The following MALRD1 variants were observed in gnomAD, a reference collection of about 807,000 sequenced individuals.
MALRD1 encodes the protein MAM and LDL-receptor class A domain-containing protein 1.
A neutral mutation model predicts 242.1 loss-of-function variants in MALRD1; 247 were observed. The ratio of observed to expected loss-of-function variants is 1.02; its 90% CI spans 0.92 to 1.13. The LOEUF (loss-of-function observed/expected upper bound fraction) is 1.13, where lower values mean the gene tolerates loss of function less well. MALRD1 is among the 50% of genes most tolerant of loss of function. The probability of loss-of-function intolerance (pLI) is 0.00; values close to 1 mark genes in which losing one functional copy is unlikely to be tolerated. For synonymous variants in MALRD1, 995 were observed against 866.6 expected, an observed-to-expected ratio of 1.15 and a Z score of -2.60; for missense variants, 2,989 against 2,533.1, an observed-to-expected ratio of 1.18 and a Z score of -3.86.
intron 18 of MALRD1, among the ~76,000 whole-genome samples, chr10:19,215,512 C>G (rs1242219391): frequency 6.6e-6 from 1 of 152,162 alleles, no homozygotes; most frequent in East Asian, 1.9e-4. Context: ...TTGTGAACTA[C>G]TGATTTCTTT....
At chr10:19,195,496 C>T (rs920009365) in intron 14 of MALRD1, among the ~76,000 whole-genome samples, 1 of 152,092 alleles carries the variant, frequency 6.6e-6, no homozygotes, top group African/African-American at 2.4e-5. Flanking sequence ...CCTTGAACTC[C>T]AGACTCAGAT....
At chr10:19,489,606 T>C (rs1786040648) in intron 29 of MALRD1, among the ~76,000 whole-genome samples, 1 of 152,212 alleles carries the variant, frequency 6.6e-6, no homozygotes, top group South Asian at 2.1e-4. Context: ...TGGTTGTTTA[T>C]TTTTTGGTAC....
At chr10:19,593,861 G>T (rs1837941565) in intron 33 of MALRD1, among the ~76,000 whole-genome samples, 1 of 152,180 alleles carries the variant, frequency 6.6e-6, no homozygotes, top group South Asian at 2.1e-4. Context: ...AAATGAGTTG[G>T]TTGGGTTTGA....
At chr10:19,719,587 T>C (rs1273670589) in intron 38 of MALRD1, among the ~76,000 whole-genome samples, 2 of 152,106 alleles carry the variant, frequency 1.3e-5, no homozygotes, top group African/African-American at 4.8e-5. Flanking sequence ...GTGAATGAGT[T>C]TGGCAAAATT....
intron 32 of MALRD1, among the ~76,000 whole-genome samples, chr10:19,540,893 T>A (rs1451387811): frequency 6.6e-6 from 1 of 152,150 alleles, no homozygotes; most frequent in Non-Finnish European, 1.5e-5. Flanking sequence ...AGCAGGAGGA[T>A]TGCTTGATGC....
chr10:19,539,429 T>C, intron 32 of MALRD1, among the ~76,000 whole-genome samples: 1 of 152,240 alleles, frequency 6.6e-6, no homozygotes, highest in South Asian at 2.1e-4. Context: ...TCTTATATTT[T>C]CTACCAGTAG....
At chr10:19,543,005 G>T (rs1835042848) in intron 32 of MALRD1, among the ~76,000 whole-genome samples, 1 of 152,040 alleles carries the variant, frequency 6.6e-6, no homozygotes, top group Non-Finnish European at 1.5e-5. Flanking sequence ...TAATAATATG[G>T]ATGTTCTACT....
At chr10:19,573,107 C>T (rs190200339) in intron 33 of MALRD1, among the ~76,000 whole-genome samples, 147 of 152,254 alleles carry the variant, frequency 9.7e-4, no homozygotes, top group African/African-American at 3.4e-3. Flanking sequence ...TTCTGTCTCT[C>T]TTGTTTGCTG....
chr10:19,609,086 C>G (rs892976343), intron 35 of MALRD1, among the ~76,000 whole-genome samples: 3 of 152,036 alleles, frequency 2.0e-5, no homozygotes, highest in Admixed American at 6.6e-5. Context: ...AATCTGTTAT[C>G]TTCTTTGATA....
intron 17 of MALRD1, among the ~76,000 whole-genome samples, chr10:19,206,445 C>T (rs907048871): frequency 6.6e-6 from 1 of 152,030 alleles, no homozygotes; most frequent in African/African-American, 2.4e-5. Context: ...TTGCAAATTT[C>T]GAAAGCCTTT....
chr10:19,239,609 C>T (rs1838667709), intron 18 of MALRD1, among the ~76,000 whole-genome samples: 1 of 152,074 alleles, frequency 6.6e-6, no homozygotes. Context: ...ATGTTATCTC[C>T]TAGTAGTTTT....
chr10:19,633,444 G>A (rs1358729543), intron 36 of MALRD1, among the ~76,000 whole-genome samples: 1 of 152,140 alleles, frequency 6.6e-6, no homozygotes, highest in Non-Finnish European at 1.5e-5. Context: ...TGTGGCTGTT[G>A]GCCCATCATG....
At chr10:19,349,507 A>T (rs202124750) in intron 25 of MALRD1, among the ~76,000 whole-genome samples, 2 of 152,356 alleles carry the variant, frequency 1.3e-5, no homozygotes, top group East Asian at 3.9e-4. Flanking sequence ...TGATCAGGTG[A>T]GAGTTTCAGT....
At chr10:19,284,216 G>C (rs906097248) in intron 21 of MALRD1, among the ~76,000 whole-genome samples, 2 of 150,984 alleles carry the variant, frequency 1.3e-5, no homozygotes, top group Non-Finnish European at 3.0e-5. Flanking sequence ...ATATTTTCTA[G>C]TGTTGTAAGC....
intron 36 of MALRD1, among the ~76,000 whole-genome samples, chr10:19,628,237 G>C (rs1019031030): frequency 1.3e-5 from 2 of 152,020 alleles, no homozygotes; most frequent in Admixed American, 1.3e-4. Flanking sequence ...ACAACTTTTG[G>C]AAAAATAAAG....
At chr10:19,321,747 G>A (rs984503645) in intron 21 of MALRD1, among the ~76,000 whole-genome samples, 2 of 152,008 alleles carry the variant, frequency 1.3e-5, no homozygotes, top group African/African-American at 2.4e-5. Flanking sequence ...CTGTATGTTT[G>A]CACCCATTAA....
At chr10:19,553,512 A>G (rs1835585229) in intron 32 of MALRD1, among the ~76,000 whole-genome samples, 1 of 152,108 alleles carries the variant, frequency 6.6e-6, no homozygotes. Flanking sequence ...TACTTTTCAT[A>G]ACTAAATTCT....
intron 28 of MALRD1, among the ~76,000 whole-genome samples, chr10:19,411,816 T>G (rs1190967874): frequency 6.6e-6 from 1 of 152,162 alleles, no homozygotes; most frequent in Non-Finnish European, 1.5e-5. Flanking sequence ...AGAGAAAATT[T>G]TAATTATAGA....
chr10:19,604,591 T>C (rs768640687), intron 34 of MALRD1, among the ~76,000 whole-genome samples: 8 of 152,144 alleles, frequency 5.3e-5, no homozygotes, highest in Non-Finnish European at 1.2e-4. Context: ...TACCAAGTTA[T>C]CTAGATCTAG....
Sources: allele counts gnomAD v4.1 joint callset (sites outside exome capture counted in the v4.1 genomes callset), GRCh38; gene constraint gnomAD v4.1.1; transcripts MANE v1.5; gene names NCBI Gene and HGNC (gene_info 2026-07-23, HGNC 2026-07-21).